Variants in DST observed in about 807,000 individuals in gnomAD.
DST encodes the protein bullous pemphigoid antigen.
A neutral mutation model predicts 875.2 loss-of-function variants in DST; 253 were observed. The ratio of observed to expected loss-of-function variants is 0.29; its 90% CI spans 0.26 to 0.32. The LOEUF (loss-of-function observed/expected upper bound fraction) is 0.32, where lower values mean the gene tolerates loss of function less well. Ranked by LOEUF, DST falls within the 10% of genes least tolerant of loss-of-function variation. DST has a pLI of 1.00. For missense variants in DST, 8,287 were observed against 9,111.6 expected (o/e 0.91, Z 3.68); for synonymous variants, 3,124 against 3,197.1 (o/e 0.98, Z 0.77).
In DST at chr6:56,552,948, A is replaced by C. The variant is rs2097346117; in HGVS notation, c.15844T>G (p.Ser5282Ala). 3 of 1,613,874 alleles carry C rather than the reference A, an allele frequency of 1.9e-6. No homozygotes were observed. Among genetic ancestry groups the C allele is most frequent in the Non-Finnish European group, 2.5e-6 (3 of 1,179,890 alleles). Reference protein sequence around the residue: ...TQKFKEFQEVSKESKRQLQCA... With the variant: ...TQKFKEFQEVAKESKRQLQCA... ...TGAAGCTGCCTTTTAGATTCTTTGG[A>C]AACTTCTTGAAATTCTTTAAACTTC... The change falls in exon 61 of 104, where the codon TCC becomes GCC. Residue 5282 changes from serine (S) to alanine (A), a missense_variant. This residue lies in a region of DST where 1,513 missense variants were observed against 1,677.8 expected (regional missense o/e 0.90). Coordinates refer to ENST00000680361, the MANE Select transcript of DST (RefSeq NM_001374736.1).
intron 53 of DST, among the ~76,000 whole-genome samples, chr6:56,570,850 G>A (rs2097769507): frequency 6.6e-6 from 1 of 152,162 alleles, no homozygotes; most frequent in Non-Finnish European, 1.5e-5. Flanking sequence ...GCTTTGATCT[G>A]TCCCCTTTAT....
intron 3 of DST, among the ~76,000 whole-genome samples, chr6:56,880,414 G>A (rs527611371): frequency 2.6e-5 from 4 of 152,316 alleles, no homozygotes; most frequent in Middle Eastern, 3.4e-3. Context: ...TAGGCCAGGC[G>A]CAGTGGCCCA....
At position 56,573,822 on chromosome 6, in the gene DST, T is replaced by C. The variant is rs183713270; in HGVS notation, c.13093A>G (p.Ile4365Val). ...ACACTCAGTGAACGGGTCAAGGTTATCTGGAGTTTTTCATTTCGTTCATTA... is the reference window on the plus strand; with the variant it reads ...ACACTCAGTGAACGGGTCAAGGTTACCTGGAGTTTTTCATTTCGTTCATTA... ...SVNERNEKLQITLTRSLSVQD... is the reference protein window; with the variant it reads ...SVNERNEKLQVTLTRSLSVQD... Residue 4365 changes from isoleucine to valine, a missense_variant, in exon 51 of 104, where the codon ATA (isoleucine) becomes GTA (valine). Around this residue, in one of 10 missense-constraint regions of DST, gnomAD observed 1,513 missense variants for 1,677.8 expected, o/e 0.90. Coordinates refer to ENST00000680361, the MANE Select transcript of DST (RefSeq NM_001374736.1). The C allele has an allele frequency of 1.2e-6, 2 of 1,613,548 alleles. No individual in the cohort carries two copies. Among genetic ancestry groups the C allele is most frequent in the Admixed American group, 3.3e-5 (2 of 59,914 alleles).
intron 4 of DST, among the ~76,000 whole-genome samples, chr6:56,765,475 C>T (rs900064231): frequency 6.6e-6 from 1 of 152,088 alleles, no homozygotes; most frequent in Non-Finnish European, 1.5e-5. Flanking sequence ...TTCCAATCAA[C>T]CATAGTAGAA....
Position 56,616,835 on chromosome 6 carries a change from G to T in DST, c.4930-2351C>A, listed in dbSNP as rs754896967. ...AGAATATCCCACAGCTGCCTTCTCT[G>T]CCTCAAGAAGCCTAATTCTGAATTC... On this transcript the variant is annotated intron_variant, in intron 36 of 103. Coordinates refer to ENST00000680361, the MANE Select transcript of DST (RefSeq NM_001374736.1). 9 of 1,614,072 alleles carry T rather than the reference G, an allele frequency of 5.6e-6. No individual in the cohort carries two copies. The South Asian group carries it at 9.9e-5, about 18-fold the overall frequency.
intron 49 of DST, among the ~76,000 whole-genome samples, chr6:56,583,030 A>G (rs886579847): frequency 5.3e-5 from 8 of 152,312 alleles, no homozygotes; most frequent in African/African-American, 1.7e-4. Flanking sequence ...AGTCTTTGCT[A>G]TTGTGAATAG....
intron 90 of DST, among the ~76,000 whole-genome samples, chr6:56,479,217 C>A (rs900459009): frequency 1.3e-5 from 2 of 152,062 alleles, no homozygotes; most frequent in African/African-American, 2.4e-5. Context: ...CAAATTAAAG[C>A]CACCCTGAGA....
chr6:56,845,037 T>TATAA (rs1295995142), intron 4 of DST, among the ~76,000 whole-genome samples: 5 of 152,204 alleles, frequency 3.3e-5, no homozygotes, highest in African/African-American at 1.2e-4. Context: ...TTTAGAATAA[T>TATAA]GTCTGGTGTT....
rs138185589 is a variant in DST, at chr6:56,619,262, T to G, written c.4930-4778A>C. ...ATTCTCTGATTCTGCCTGAATTCTC[T>G]GCATCATTAATTTGGTTTCATTATT... On this transcript the variant is annotated intron_variant, in intron 36 of 103. Coordinates refer to ENST00000680361, the MANE Select transcript of DST (RefSeq NM_001374736.1). 1.5e-4 allele frequency: 245 copies of G among 1,613,240 alleles called. 2 individuals carry two copies. In the East Asian group the frequency reaches 3.3e-3, roughly 21 times the overall value.
In DST at chr6:56,509,759, T is replaced by G. The variant is rs1271970202; in HGVS notation, c.18895A>C (p.Asn6299His). The change falls in exon 74 of 104, where the codon AAT becomes CAT. Residue 6299 changes from asparagine to histidine, a missense_variant. Physicochemically the swap from Asn to His is moderately conservative, Grantham distance 68 (BLOSUM62 1). This residue lies in a region of DST where 1,292 missense variants were observed against 1,552.7 expected (regional missense o/e 0.83). Coordinates refer to ENST00000680361, the MANE Select transcript of DST (RefSeq NM_001374736.1). The part of the protein sequence containing the change: ...VEKIKEQISE[N>H]KNVSVDMEKL... ...TCCATGTCTACTGACACATTCTTAT[T>G]TTCACTGATCTGTTCCTTGATCTTC... The G allele has an allele frequency of 1.1e-5, 18 of 1,613,792 alleles. No individual in the cohort carries two copies. The highest frequency in any genetic ancestry group is 6.7e-5 in the Admixed American group (4 of 60,000).
intron 5 of DST, among the ~76,000 whole-genome samples, chr6:56,719,096 C>G (rs576867433): frequency 6.6e-6 from 1 of 152,014 alleles, no homozygotes; most frequent in Admixed American, 6.6e-5. Context: ...AGTCACACTC[C>G]TTTTGAAAAA....
intron 4 of DST, among the ~76,000 whole-genome samples, chr6:56,770,351 T>A (rs1370785501): frequency 1.4e-4 from 22 of 152,182 alleles, no homozygotes; most frequent in Admixed American, 1.4e-3. Context: ...TGATATAATT[T>A]TTGGACCTAA....
At chr6:56,472,035 T>C (rs546148062) in intron 94 of DST, 24 bp downstream of exon 94, 2 of 1,611,812 alleles carry the variant, frequency 1.2e-6, no homozygotes, top group East Asian at 2.2e-5. Flanking sequence ...GACAATGTGG[T>C]GTTGAGGGTA....
intron 2 of DST, among the ~76,000 whole-genome samples, chr6:56,939,208 A>G (rs913634504): frequency 4.6e-5 from 7 of 152,262 alleles, no homozygotes; most frequent in Non-Finnish European, 7.3e-5. Context: ...GAGTGAAGTG[A>G]GAATAACAAA....
At position 56,813,535 on chromosome 6, in the gene DST, T is replaced by A. The variant is rs189844651; in HGVS notation, c.625+37862A>T. ...AAAGAAATATTTAAAATATTCCAGT[T>A]CTTTTACCTACCAACAGTTATTCCT... On this transcript the variant is annotated intron_variant, in intron 4 of 103. Transcript: ENST00000680361. 2.2e-3 allele frequency among the ~76,000 whole-genome samples: 341 copies of A among 152,302 alleles called. 5 individuals carry two copies. The highest frequency in any genetic ancestry group is 7.8e-3 in the African/African-American group (323 of 41,580).
chr6:56,648,005 G>A (rs2098953835), intron 13 of DST, among the ~76,000 whole-genome samples: 1 of 152,042 alleles, frequency 6.6e-6, no homozygotes, highest in Non-Finnish European at 1.5e-5. Context: ...TTTTATATCT[G>A]CAATGTCTTT....
intron 4 of DST, among the ~76,000 whole-genome samples, chr6:56,794,070 G>A (rs1313025224): frequency 6.6e-6 from 1 of 152,140 alleles, no homozygotes; most frequent in Non-Finnish European, 1.5e-5. Context: ...TGCAACAGAA[G>A]AGTTTAAATA....
chr6:56,625,302 C>G (rs1183424034), intron 34 of DST, 38 bp from the exon 35 acceptor site: 2 of 1,264,404 alleles, frequency 1.6e-6, no homozygotes, highest in South Asian at 1.2e-5. Flanking sequence ...TGAATTGAAG[C>G]AAAGTACTAG....
chr6:56,621,143 A>G (rs906653951), intron 36 of DST, among the ~76,000 whole-genome samples: 2 of 152,196 alleles, frequency 1.3e-5, no homozygotes, highest in African/African-American at 4.8e-5. Context: ...CCTAAGAGGT[A>G]GGAAGAACAC....
Sources: allele counts gnomAD v4.1 joint callset (sites outside exome capture counted in the v4.1 genomes callset), GRCh38; gene constraint gnomAD v4.1.1; regional missense constraint gnomAD v4.1.1; transcripts MANE v1.5; gene names NCBI Gene and HGNC (gene_info 2026-07-23, HGNC 2026-07-21).